The following DPYD variants were observed in gnomAD, a reference collection of about 807,000 sequenced individuals.
The protein encoded by DPYD is dihydropyrimidine dehydrogenase [NADP(+)].
DPYD carries 109 observed loss-of-function variants against 116.2 expected under a neutral mutation model. That is an observed-to-expected ratio of 0.94 (90% CI 0.80 to 1.10). The LOEUF is 1.10. DPYD is among the 50% of genes least tolerant of loss of function. DPYD has a pLI of 0.00. For missense variants in DPYD, 1,302 were observed against 1,254.5 expected, an observed-to-expected ratio of 1.04 and a Z score of -0.57; for synonymous variants, 440 against 432.0, an observed-to-expected ratio of 1.02 and a Z score of -0.23.
At chr1:97,219,218 G>C (rs1481750498) in intron 19 of DPYD, among the ~76,000 whole-genome samples, 1 of 152,154 alleles carries the variant, frequency 6.6e-6, no homozygotes, top group Non-Finnish European at 1.5e-5. Context: ...GTCATGAATG[G>C]AAACTCTTAG....
chr1:97,856,638 G>A (rs1670859584), intron 2 of DPYD: 1 of 152,164 alleles, frequency 6.6e-6, no homozygotes, highest in Admixed American at 6.5e-5. Flanking sequence ...AGGACCACCA[G>A]GGCACACTCT....
chr1:97,251,792 C>A (rs1308249513), intron 18 of DPYD, among the ~76,000 whole-genome samples: 1 of 152,024 alleles, frequency 6.6e-6, no homozygotes, highest in African/African-American at 2.4e-5. Flanking sequence ...CTTGAATTAG[C>A]CAGGCATGCT....
At chr1:97,408,005 T>C (rs1673771228) in intron 14 of DPYD, among the ~76,000 whole-genome samples, 1 of 152,150 alleles carries the variant, frequency 6.6e-6, no homozygotes, top group African/African-American at 2.4e-5. Context: ...GAAATCAGTC[T>C]ACTACTCCAC....
At chr1:97,757,379 G>T (rs2101116783) in intron 3 of DPYD, among the ~76,000 whole-genome samples, 1 of 152,242 alleles carries the variant, frequency 6.6e-6, no homozygotes, top group African/African-American at 2.4e-5. Context: ...ATCAGATGCA[G>T]GAGGCCCAGC....
chr1:97,683,204 A>C (rs1377588962), intron 7 of DPYD, among the ~76,000 whole-genome samples: 1 of 152,044 alleles, frequency 6.6e-6, no homozygotes, highest in Non-Finnish European at 1.5e-5. Context: ...AATAAAATGA[A>C]GAAATTTTGA....
intron 16 of DPYD, among the ~76,000 whole-genome samples, chr1:97,333,753 C>G (rs771536953): frequency 6.6e-6 from 1 of 151,816 alleles, no homozygotes; most frequent in Admixed American, 6.6e-5. Context: ...ATCTCCTGAC[C>G]TCGTGATCCA....
chr1:97,867,361 T>C (rs1219255295), intron 2 of DPYD, among the ~76,000 whole-genome samples: 1 of 151,842 alleles, frequency 6.6e-6, no homozygotes, highest in African/African-American at 2.4e-5. Context: ...ACCATATGAA[T>C]AATTGTGGGT....
chr1:97,812,762 G>C (rs755360642), intron 3 of DPYD, among the ~76,000 whole-genome samples: 11 of 152,040 alleles, frequency 7.2e-5, no homozygotes, highest in Non-Finnish European at 1.0e-4. Flanking sequence ...GGTATGTCTA[G>C]AAATTATTAG....
At chr1:97,264,068 G>A (rs1329269871) in intron 18 of DPYD, among the ~76,000 whole-genome samples, 5 of 150,742 alleles carry the variant, frequency 3.3e-5, no homozygotes, top group Non-Finnish European at 7.4e-5. Context: ...ATGAGAATCA[G>A]GCTGAAATGG....
intron 13 of DPYD, among the ~76,000 whole-genome samples, chr1:97,475,313 A>G (rs1361098425): frequency 1.3e-5 from 2 of 152,194 alleles, no homozygotes; most frequent in African/African-American, 4.8e-5. Context: ...TTAAAAACAT[A>G]TAGATAAAAC....
At chr1:97,499,270 T>A (rs1489583533) in intron 13 of DPYD, among the ~76,000 whole-genome samples, 1 of 151,844 alleles carries the variant, frequency 6.6e-6, no homozygotes, top group Non-Finnish European at 1.5e-5. Flanking sequence ...CTTGAATAAT[T>A]TGTTTATGAA....
At chr1:97,758,360 C>CAA (rs34224428) in intron 3 of DPYD, among the ~76,000 whole-genome samples, 2 of 138,906 alleles carry the variant, frequency 1.4e-5, no homozygotes, top group African/African-American at 5.4e-5. Context: ...ATTATGAGAG[C>CAA]AAAAAAAAAA....
Position 97,778,094 on chromosome 1 carries a change from A to C in DPYD, c.234-37615T>G, listed in dbSNP as rs570391564. 3.2e-3 allele frequency among the ~76,000 whole-genome samples: 444 copies of C among 140,538 alleles called. 1 individual carries two copies. Among genetic ancestry groups the C allele is most frequent in the South Asian group, 6.2e-3 (26 of 4,226 alleles). The allele number at this position is 140,538 out of a possible 152,430, so 92.2% of individuals were successfully genotyped here. The stretch of plus-strand genomic sequence containing the variant: ...GACAGCTTGAACCCATGAGACGGAG[A>C]TTGCAGTGAGTCAAGGCTCCGCCAC... On this transcript the variant is annotated intron_variant, in intron 3 of 22. Coordinates refer to ENST00000370192, the MANE Select transcript of DPYD (RefSeq NM_000110.4).
At chr1:97,604,249 A>G (rs1352831478) in intron 8 of DPYD, among the ~76,000 whole-genome samples, 1 of 152,168 alleles carries the variant, frequency 6.6e-6, no homozygotes, top group African/African-American at 2.4e-5. Flanking sequence ...CCAAGCATAA[A>G]TAATTAAACT....
chr1:97,278,263 T>A (rs1665084661), intron 18 of DPYD, among the ~76,000 whole-genome samples: 1 of 152,220 alleles, frequency 6.6e-6, no homozygotes, highest in Non-Finnish European at 1.5e-5. Flanking sequence ...AGGGGCTTCA[T>A]CTCATAAGAA....
At chr1:97,204,916 A>T (rs1659487495) in intron 19 of DPYD, among the ~76,000 whole-genome samples, 1 of 152,018 alleles carries the variant, frequency 6.6e-6, no homozygotes, top group South Asian at 2.1e-4. Context: ...AGAGGACCCG[A>T]CTTGATCCTG....
chr1:97,122,964 T>C (rs747113409), intron 20 of DPYD, among the ~76,000 whole-genome samples: 1 of 152,144 alleles, frequency 6.6e-6, no homozygotes, highest in Non-Finnish European at 1.5e-5. Flanking sequence ...TCAAATTAAA[T>C]ATAAGGTTGC....
chr1:97,546,182 G>T (rs1449577298), intron 12 of DPYD: 3 of 1,482,310 alleles, frequency 2.0e-6, no homozygotes, highest in African/African-American at 2.8e-5. Context: ...AAGATGGGCA[G>T]GGTGAAACTA....
Position 97,740,461 on chromosome 1 carries a change from A to T in DPYD, c.252T>A (p.Asp84Glu), listed in dbSNP as rs1571280156. Residue 84 changes from aspartate (D) to glutamate (E), a missense_variant, in exon 4 of 23, where the codon GAT becomes GAA. Coordinates refer to ENST00000370192, the MANE Select transcript of DPYD (RefSeq NM_000110.4). The part of the protein sequence containing the change: ...REAMRCLKCA[D>E]APCQKSCPTN... Reference sequence around the variant, plus strand: ...TTGGACAGCTCTTCTGACACGGGGCATCTGCACATTTCAGGCATCTAGGAA... The same window carrying T: ...TTGGACAGCTCTTCTGACACGGGGCTTCTGCACATTTCAGGCATCTAGGAA... 4 of 1,613,038 alleles carry T rather than the reference A, an allele frequency of 2.5e-6. No homozygotes were observed. Among genetic ancestry groups the T allele is most frequent in the African/African-American group, 2.7e-5 (2 of 75,028 alleles).
Sources: allele counts gnomAD v4.1 joint callset (sites outside exome capture counted in the v4.1 genomes callset), GRCh38; gene constraint gnomAD v4.1.1; transcripts MANE v1.5; gene names NCBI Gene and HGNC (gene_info 2026-07-23, HGNC 2026-07-21).